Variants in CCDC93 observed in about 807,000 individuals in gnomAD.
CCDC93 encodes the protein coiled-coil domain-containing protein 93.
CCDC93 carries 61 observed loss-of-function variants against 108.2 expected under a neutral mutation model. The observed-to-expected ratio is 0.56, with a 90% CI of 0.46 to 0.70. The LOEUF is 0.70. Ranked by LOEUF, CCDC93 falls within the 30% of genes least tolerant of loss-of-function variation. The pLI is 0.00. For synonymous variants in CCDC93, 276 were observed against 260.4 expected, an observed-to-expected ratio of 1.06 and a Z score of -0.58; for missense variants, 685 against 764.2, an observed-to-expected ratio of 0.90 and a Z score of 1.22.
chr2:117,950,276 T>G (rs1679011470), intron 13 of CCDC93: 1 of 985,162 alleles, frequency 1.0e-6, no homozygotes, highest in Non-Finnish European at 1.2e-6. Context: ...ATGTATCAAT[T>G]CAACAAGTCA....
chr2:117,947,670 C>A (rs1255250823), intron 15 of CCDC93, among the ~76,000 whole-genome samples: 2 of 148,960 alleles, frequency 1.3e-5, no homozygotes, highest in African/African-American at 4.9e-5. Context: ...ATACAACTGA[C>A]AAATAACTGC....
intron 3 of CCDC93, 120 bp from the exon 4 acceptor site, chr2:118,001,052 C>A: frequency 1.6e-6 from 1 of 625,066 alleles, no homozygotes; most frequent in East Asian, 2.7e-5. Context: ...CTAGTCCAGA[C>A]CATGACAAGT....
chr2:117,981,484 C>G (rs745348920), intron 7 of CCDC93, among the ~76,000 whole-genome samples: 6 of 152,210 alleles, frequency 3.9e-5, no homozygotes, highest in Non-Finnish European at 7.3e-5. Context: ...CTGCATTCCT[C>G]TTCTTTAGCT....
chr2:117,927,021 CAT>C (rs1678134270), intron 23 of CCDC93, among the ~76,000 whole-genome samples: 1 of 152,130 alleles, frequency 6.6e-6, no homozygotes. Flanking sequence ...ACAAAAACCA[CAT>C]GATTATCTCA....
intron 22 of CCDC93, among the ~76,000 whole-genome samples, chr2:117,932,426 C>T (rs1165415179): frequency 6.6e-6 from 1 of 152,226 alleles, no homozygotes; most frequent in East Asian, 1.9e-4. Context: ...ACAAATGCAA[C>T]TTGGTGTCCC....
At chr2:117,929,901 C>T (rs1678269060) in intron 23 of CCDC93, among the ~76,000 whole-genome samples, 1 of 152,220 alleles carries the variant, frequency 6.6e-6, no homozygotes, top group African/African-American at 2.4e-5. Context: ...AGTCTCCTCA[C>T]ATGGCAAAGT....
At chr2:118,004,312 G>A (rs879927933) in intron 3 of CCDC93, among the ~76,000 whole-genome samples, 1 of 152,204 alleles carries the variant, frequency 6.6e-6, no homozygotes, top group Non-Finnish European at 1.5e-5. Flanking sequence ...CCATTTATGG[G>A]CCTCTGGCCA....
rs145399309 is a variant in CCDC93, at chr2:117,990,484, C to T, written c.520-4415G>A. Among the ~76,000 whole-genome samples, 341 of 152,302 alleles carry T rather than the reference C, an allele frequency of 2.2e-3. 2 individuals carry two copies. Among genetic ancestry groups the T allele is most frequent in the Non-Finnish European group, 3.1e-3 (212 of 68,028 alleles). On this transcript the variant is annotated intron_variant, in intron 6 of 23. Coordinates refer to ENST00000376300, the MANE Select transcript of CCDC93 (RefSeq NM_019044.5). ...GCTCGGATGATAAAGTTCACAGCGG[C>T]CTTTCTGCCTGGCAATCTGGCAAGA...
At chr2:118,006,653 G>A (rs1676878442) in intron 3 of CCDC93, 69 bp downstream of exon 3, 1 of 855,544 alleles carries the variant, frequency 1.2e-6, no homozygotes, top group Non-Finnish European at 2.0e-6. Context: ...ACCAACTTCT[G>A]GCACACAGTA....
rs1362034232 is a variant in CCDC93 at position 117,918,090 on chromosome 2, G to A, written c.*2253C>T. On this transcript the variant is annotated 3_prime_UTR_variant, in exon 24 of 24. Transcript: ENST00000376300. ...AGCCCTGGGAAGATGACCCCTTCTGGTGCTCCAGGTGGCTTCTGAAATGAT... is the reference window on the plus strand; with the variant it reads ...AGCCCTGGGAAGATGACCCCTTCTGATGCTCCAGGTGGCTTCTGAAATGAT... The A allele has an allele frequency of 2.0e-5, 3 of 152,164 alleles. No individual in the cohort carries two copies. Among genetic ancestry groups the A allele is most frequent in the African/African-American group, 4.8e-5 (2 of 41,416 alleles). 9.4% of individuals were successfully genotyped at this position (152,164 alleles called of 1,614,324 possible).
In CCDC93 at chr2:117,924,307, C is replaced by T. The variant is rs149995882; in HGVS notation, c.1843-3911G>A. 2.7e-4 allele frequency among the ~76,000 whole-genome samples: 41 copies of T among 152,216 alleles called. No individual in the cohort carries two copies. The East Asian group carries it at 5.2e-3, about 19-fold the overall frequency. On this transcript the variant is annotated intron_variant, in intron 23 of 23. Coordinates refer to ENST00000376300, the MANE Select transcript of CCDC93 (RefSeq NM_019044.5). ...TGACTTTGATGAGTTGAGAGAAGAA[C>T]GCTTCAGACGATCAAACTACTCTGA...
chr2:117,936,665 C>T, intron 21 of CCDC93, 37 bp downstream of exon 21: 1 of 1,570,418 alleles, frequency 6.4e-7, no homozygotes, highest in Non-Finnish European at 8.8e-7. Context: ...CGCAGGCCGG[C>T]AGGGTATTAG....
At chr2:117,985,468 G>C (rs1680287834) in intron 7 of CCDC93, 1 of 963,138 alleles carries the variant, frequency 1.0e-6, no homozygotes, top group South Asian at 4.8e-5. Flanking sequence ...AATTCAATGG[G>C]GAGAAGCATG....
chr2:117,936,670 T>C (rs1178835228), intron 21 of CCDC93, 32 bp downstream of exon 21: 12 of 1,581,022 alleles, frequency 7.6e-6, no homozygotes, highest in Non-Finnish European at 1.0e-5. Flanking sequence ...GCCGGCAGGG[T>C]ATTAGTGGGA....
chr2:117,959,165 G>C (rs1679312193), intron 11 of CCDC93, among the ~76,000 whole-genome samples: 1 of 152,188 alleles, frequency 6.6e-6, no homozygotes, highest in South Asian at 2.1e-4. Flanking sequence ...CATTTTCCAG[G>C]AGGGCAAATG....
At chr2:117,920,759 C>CA (rs1225985407) in intron 23 of CCDC93, among the ~76,000 whole-genome samples, 1 of 152,166 alleles carries the variant, frequency 6.6e-6, no homozygotes, top group African/African-American at 2.4e-5. Flanking sequence ...GCTTTGGAGA[C>CA]AGCAGCCTAA....
rs543767936 is a variant in CCDC93, at chr2:117,948,305, A to G, written c.1143-119T>C. The G allele has an allele frequency of 4.9e-5, 33 of 677,882 alleles. No homozygotes were observed. In the African/African-American group the frequency reaches 5.7e-4, roughly 12 times the overall value. The allele number at this position is 677,882 out of a possible 1,614,324, so 42.0% of individuals were successfully genotyped here. ...CCTTTTAATTTCCTTTCTCAGCTCT[A>G]AGAGTGTCTCACAGATTCTGCACAA... is the stretch of plus-strand genomic sequence containing the variant. On this transcript the variant is annotated intron_variant, in intron 14 of 23. Coordinates refer to ENST00000376300, the MANE Select transcript of CCDC93 (RefSeq NM_019044.5).
At position 117,945,121 on chromosome 2, in the gene CCDC93, G is replaced by A. The variant is rs78651171; in HGVS notation, c.1350+408C>T. On this transcript the variant is annotated intron_variant, in intron 17 of 23. Coordinates refer to ENST00000376300, the MANE Select transcript of CCDC93 (RefSeq NM_019044.5). ...TCACAAAGCCAAAAAGAGTTACTAT[G>A]TGCACCTTTATAGAAACAGTCTGCT... 3.5e-3 allele frequency among the ~76,000 whole-genome samples: 528 copies of A among 152,300 alleles called. 4 individuals are homozygous for A. Among genetic ancestry groups the A allele is most frequent in the African/African-American group, 0.011 (473 of 41,556 alleles).
chr2:117,992,036 C>A (rs182031931), intron 6 of CCDC93, among the ~76,000 whole-genome samples: 1 of 152,058 alleles, frequency 6.6e-6, no homozygotes, highest in African/African-American at 2.4e-5. Context: ...AAGAAACCTA[C>A]GCAGACAGCT....
Sources: allele counts gnomAD v4.1 joint callset (sites outside exome capture counted in the v4.1 genomes callset), GRCh38; gene constraint gnomAD v4.1.1; transcripts MANE v1.5; gene names NCBI Gene and HGNC (gene_info 2026-07-23, HGNC 2026-07-21).